The following ETV4 variants were observed in gnomAD, a reference collection of about 807,000 sequenced individuals.
The protein encoded by ETV4 is ETS variant transcription factor 4, also known as ETS translocation variant 4.
In ETV4, 42 loss-of-function variants were observed where a neutral mutation model predicts 65.9. The observed-to-expected ratio is 0.64, with a 90% CI of 0.50 to 0.82. ETV4 has a LOEUF of 0.82. ETV4 is among the 40% of genes least tolerant of loss of function. ETV4 has a pLI of 0.00. For missense variants in ETV4, 583 were observed against 630.3 expected (o/e 0.92, Z 0.80); for synonymous variants, 238 against 260.0 (o/e 0.92, Z 0.81).
rs373495984 is a variant in ETV4 at position 43,538,438 on chromosome 17, G to A, written c.203-1959C>T. Among the ~76,000 whole-genome samples the A allele has an allele frequency of 5.3e-5, 8 of 152,318 alleles. No individual in the cohort carries two copies. In the East Asian group the frequency reaches 5.8e-4, roughly 11 times the overall value. On this transcript the variant is annotated intron_variant, in intron 4 of 12. Transcript: ENST00000319349. ...CTCATCCCCTTAATGTGCAGCTAAGGAGGGGAGGGATTCCCAAGGTTGGTG... is the reference window on the plus strand; with the variant it reads ...CTCATCCCCTTAATGTGCAGCTAAGAAGGGGAGGGATTCCCAAGGTTGGTG...
Position 43,529,505 on chromosome 17 carries a change from T to C in ETV4, c.1127A>G (p.Glu376Gly). ...GCTGGGAACATCCGAGAGGCCCACC[T>C]CCTCAGGCTCAATGAGCTTGAACTC... ...GMEFKLIEPE[E>G]VARLWGIQKN... Residue 376 changes from glutamate to glycine, a missense_variant and splice_region_variant, in exon 11 of 13, where the codon GAG (glutamate) becomes GGG (glycine). Transcript: ENST00000319349. 6.2e-7 allele frequency: 1 copy of C among 1,605,426 alleles called. No individual in the cohort carries two copies.
Position 43,528,491 on chromosome 17 carries a change from C to T in ETV4, c.*28G>A. ...TATATGTACACAGGGCAGCACCCAC[C>T]TGCGGCAGGGGGAACAGCCGCTGGG... On this transcript the variant is annotated 3_prime_UTR_variant, in exon 13 of 13. Transcript: ENST00000319349. 6.6e-7 allele frequency: 1 copy of T among 1,506,430 alleles called. No homozygotes were observed. Among genetic ancestry groups the T allele is most frequent in the Admixed American group, 1.8e-5 (1 of 54,976 alleles). 93.3% of individuals were successfully genotyped at this position (1,506,430 alleles called of 1,614,324 possible).
intron 4 of ETV4, 147 bp downstream of exon 4, chr17:43,544,828 G>T (rs1334830706): frequency 2.9e-6 from 2 of 696,582 alleles, no homozygotes; most frequent in African/African-American, 1.8e-5. Flanking sequence ...GAGTAGAGTG[G>T]CAAGGGACCT....
intron 5 of ETV4, 58 bp from the exon 6 acceptor site, chr17:43,534,043 G>T: frequency 1.4e-6 from 2 of 1,437,998 alleles, no homozygotes; most frequent in Non-Finnish European, 1.8e-6. Flanking sequence ...AGGCAGGCAG[G>T]GCTTCTGATA....
At chr17:43,536,237 C>T (rs930283571) in intron 5 of ETV4, 189 bp downstream of exon 5, 15 of 649,062 alleles carry the variant, frequency 2.3e-5, no homozygotes, top group Non-Finnish European at 3.6e-5. Flanking sequence ...TCTAAGGTCA[C>T]ACAGCAAGAA....
intron 4 of ETV4, among the ~76,000 whole-genome samples, chr17:43,537,989 G>T (rs569916204): frequency 3.8e-4 from 58 of 152,212 alleles, no homozygotes; most frequent in Middle Eastern, 6.8e-3. Context: ...AATTAGCCGG[G>T]TGTGGTGGCG....
In ETV4 at chr17:43,533,221, G is replaced by T. The variant is rs1567709889; in HGVS notation, c.511C>A (p.Pro171Thr). ...CCGAGGTACCCATGGCCAGGGTGGG[G>T]CTGGGAGGTGCCAGAGGATCTCAGG... ...NFLRSSGTSQ[P>T]HPGHGYLGEH... The change falls in exon 7 of 13, where the codon CCC becomes ACC. Residue 171 changes from proline (P) to threonine (T), a missense_variant. Coordinates refer to ENST00000319349, the MANE Select transcript of ETV4 (RefSeq NM_001079675.5). 6.2e-7 allele frequency: 1 copy of T among 1,614,038 alleles called. No individual in the cohort carries two copies.
At position 43,528,996 on chromosome 17, in the gene ETV4, CCA is replaced by C. The variant is rs1477336050; in HGVS notation, c.1230+137_1230+138del. 4.5e-6 allele frequency: 4 copies of C among 892,160 alleles called. No homozygotes were observed. In the African/African-American group the frequency reaches 6.6e-5, roughly 15 times the overall value. 55.3% of individuals were successfully genotyped at this position (892,160 alleles called of 1,614,324 possible). A position where few individuals can be genotyped will look rare whatever the true frequency, so the allele number is the denominator to read the frequency against. ...TGGGGGAGGAGAACCTTGGGATTCT[CCA>C]CAATTTCTTGTCTCTCTGACTGATT... On this transcript the variant is annotated intron_variant, in intron 12 of 12. Transcript: ENST00000319349.
At position 43,530,609 on chromosome 17, in the gene ETV4, CGTGTGTGT is replaced by C. The variant is rs58803566; in HGVS notation, c.812-436_812-429del. Among the ~76,000 whole-genome samples, 31,913 of 119,022 alleles carry C rather than the reference CGTGTGTGT, an allele frequency of 0.27. 3,766 individuals carry two copies. The highest frequency in any genetic ancestry group is 0.37 in the East Asian group (1,615 of 4,374). The allele number at this position is 119,022 out of a possible 152,430, so 78.1% of individuals were successfully genotyped here. On this transcript the variant is annotated intron_variant, in intron 8 of 12. Coordinates refer to ENST00000319349, the MANE Select transcript of ETV4 (RefSeq NM_001079675.5). ...AGGTTCCCAGCCCTGTGCACGCGCG[CGTGTGTGT>C]GTGTGTGTGTGTGTGTGTGACAGAA...
Position 43,532,771 on chromosome 17 carries a change from G to A in ETV4, c.714C>T (p.Gly238=). Residue 238 remains glycine, a synonymous_variant, in exon 8 of 13, where the codon GGC becomes GGT. Coordinates refer to ENST00000319349, the MANE Select transcript of ETV4 (RefSeq NM_001079675.5). ...EYHDPLYEQA[G]QPAVDQGGVN... is the part of the protein sequence containing the mutation. ...CCCCACCCTGGTCCACGGCTGGCTG[G>A]CCCGCCTGTTCATACAGGGGATCAT... The A allele has an allele frequency of 6.2e-7, 1 of 1,614,022 alleles. No individual in the cohort carries two copies.
At chr17:43,545,934 C>T in intron 1 of ETV4, 5 of 262,040 alleles carry the variant, frequency 1.9e-5, no homozygotes, top group South Asian at 3.6e-5. Flanking sequence ...TACATAAGAA[C>T]GTGTGTGTGT....
chr17:43,540,959 T>C (rs1279248925), intron 4 of ETV4, among the ~76,000 whole-genome samples: 1 of 152,152 alleles, frequency 6.6e-6, no homozygotes, highest in Non-Finnish European at 1.5e-5. Flanking sequence ...GGTAATGGGC[T>C]GGGGGTATCT....
rs1012023602 is a variant in ETV4 at position 43,528,470 on chromosome 17, T to G, written c.*49A>C. On this transcript the variant is annotated 3_prime_UTR_variant, in exon 13 of 13. Coordinates refer to ENST00000319349, the MANE Select transcript of ETV4 (RefSeq NM_001079675.5). ...TTCCCCAACACCAGATTCATTTATATGTACACAGGGCAGCACCCACCTGCG... is the reference window on the plus strand; with the variant it reads ...TTCCCCAACACCAGATTCATTTATAGGTACACAGGGCAGCACCCACCTGCG... 1.6e-6 allele frequency: 2 copies of G among 1,275,758 alleles called. No individual in the cohort carries two copies. Among genetic ancestry groups the G allele is most frequent in the Non-Finnish European group, 2.2e-6 (2 of 915,412 alleles). The allele number at this position is 1,275,758 out of a possible 1,614,324, so 79.0% of individuals were successfully genotyped here. A position where few individuals can be genotyped will look rare whatever the true frequency, so the allele number is the denominator to read the frequency against.
chr17:43,530,151 TG>T lies in ETV4; in HGVS notation c.841del (p.His281ThrfsTer110), dbSNP rs1970833727. On this transcript the variant is annotated frameshift_variant, in exon 9 of 13. Coordinates refer to ENST00000319349, the MANE Select transcript of ETV4 (RefSeq NM_001079675.5). LOFTEE classifies it high-confidence loss of function. ...AGAGGGCCCAGAGAAGCCCTCTGTGTGGAGGTACATTGATGCGCACCCGGTG... is the reference window on the plus strand; with the variant it reads ...AGAGGGCCCAGAGAAGCCCTCTGTGTGAGGTACATTGATGCGCACCCGGTG... ...DVTGCASMYL[H>X]TEGFSGPSPG... 1.3e-6 allele frequency: 2 copies of T among 1,561,298 alleles called. No individual in the cohort carries two copies. Among genetic ancestry groups the T allele is most frequent in the Non-Finnish European group, 1.7e-6 (2 of 1,152,396 alleles).
intron 5 of ETV4, among the ~76,000 whole-genome samples, chr17:43,534,303 A>G (rs1971117330): frequency 6.6e-6 from 1 of 151,752 alleles, no homozygotes; most frequent in African/African-American, 2.4e-5. Flanking sequence ...CAGCCTGGCC[A>G]ACATGGTGAA....
chr17:43,529,388 T>G, intron 11 of ETV4, 116 bp downstream of exon 11: 1 of 1,433,398 alleles, frequency 7.0e-7, no homozygotes, highest in Non-Finnish European at 9.6e-7. Context: ...TTGGCAAGAA[T>G]TCAGGTTAGG....
In ETV4 at chr17:43,533,195, C is replaced by T. The variant is rs781277954; in HGVS notation, c.537G>A (p.Gly179=). ...SQPHPGHGYL[G]EHSSVFQQPL... ...TTTCCCTGTCTCCTTACCTATGTTCCCCGAGGTACCCATGGCCAGGGTGGG... is the reference window on the plus strand; with the variant it reads ...TTTCCCTGTCTCCTTACCTATGTTCTCCGAGGTACCCATGGCCAGGGTGGG... The change falls in exon 7 of 13, where the codon GGG becomes GGA. Residue 179 remains glycine, a synonymous_variant. Coordinates refer to ENST00000319349, the MANE Select transcript of ETV4 (RefSeq NM_001079675.5). 6 of 1,613,482 alleles carry T rather than the reference C, an allele frequency of 3.7e-6. No individual in the cohort carries two copies. The South Asian group carries it at 5.5e-5, about 15-fold the overall frequency.
intron 5 of ETV4, among the ~76,000 whole-genome samples, chr17:43,535,281 G>GT (rs1971177350): frequency 7.0e-6 from 1 of 142,566 alleles, no homozygotes; most frequent in Non-Finnish European, 1.6e-5. Context: ...TTGTTTTTTG[G>GT]TTTTTGTTTT....
At chr17:43,542,421 C>A (rs1389456747) in intron 4 of ETV4, among the ~76,000 whole-genome samples, 1 of 152,082 alleles carries the variant, frequency 6.6e-6, no homozygotes, top group Non-Finnish European at 1.5e-5. Context: ...GGATTCAGGG[C>A]TCCTGACAAG....
Sources: gnomAD v4.1 joint callset for allele counts (sites outside exome capture counted in the v4.1 genomes callset) on GRCh38, gnomAD v4.1.1 for gene constraint, MANE v1.5 for transcripts, NCBI Gene and HGNC (gene_info 2026-07-23, HGNC 2026-07-21) for gene names.